Variants in PPDPFL observed in about 807,000 individuals in gnomAD.
PPDPFL encodes the protein pancreatic progenitor cell differentiation and proliferation factor like.
PPDPFL carries 12 observed loss-of-function variants against 12.6 expected under a neutral mutation model. The observed-to-expected ratio is 0.95, with a 90% CI of 0.61 to 1.54. PPDPFL has a LOEUF of 1.54. PPDPFL is among the 40% of genes most tolerant of loss of function. PPDPFL has a pLI of 0.00. For synonymous variants in PPDPFL, 24 were observed against 32.7 expected, an observed-to-expected ratio of 0.73 and a Z score of 0.91; for missense variants, 114 against 96.0, an observed-to-expected ratio of 1.19 and a Z score of -0.78.
intron 4 of PPDPFL, 199 bp downstream of exon 4, chr8:49,074,532 C>A: frequency 6.5e-7 from 1 of 1,537,046 alleles, no homozygotes. Context: ...AAGATCATAG[C>A]ACCCTTTCCA....
intron 1 of PPDPFL, among the ~76,000 whole-genome samples, chr8:49,062,886 A>G (rs1808235587): frequency 6.6e-6 from 1 of 152,112 alleles, no homozygotes; most frequent in Non-Finnish European, 1.5e-5. Context: ...ATCTTATTAG[A>G]CACTTCTCAG....
chr8:49,071,782 A>G (rs997848385), upstream of PPDPFL, among the ~76,000 whole-genome samples: 2 of 152,214 alleles, frequency 1.3e-5, no homozygotes, highest in African/African-American at 4.8e-5. Flanking sequence ...CTTATTACCC[A>G]TGATTTCCAT....
chr8:49,072,130 G>T (rs1252516879), upstream of PPDPFL, among the ~76,000 whole-genome samples: 1 of 152,258 alleles, frequency 6.6e-6, no homozygotes, highest in Non-Finnish European at 1.5e-5. Flanking sequence ...GTCCAAAAGA[G>T]CATTGGGCCA....
chr8:49,056,111 C>G (rs1490169308), intron 1 of PPDPFL, among the ~76,000 whole-genome samples: 1 of 152,118 alleles, frequency 6.6e-6, no homozygotes, highest in Non-Finnish European at 1.5e-5. Flanking sequence ...CCCTCATGCT[C>G]AAAATAAAAC....
chr8:49,067,581 T>G (rs1322848183), upstream of PPDPFL, among the ~76,000 whole-genome samples: 1 of 152,226 alleles, frequency 6.6e-6, no homozygotes, highest in African/African-American at 2.4e-5. Flanking sequence ...TCATTGTTCT[T>G]GCCATGGATT....
chr8:49,062,413 A>G (rs1423067408), intron 1 of PPDPFL, among the ~76,000 whole-genome samples: 1 of 152,090 alleles, frequency 6.6e-6, no homozygotes, highest in Non-Finnish European at 1.5e-5. Context: ...AAAAACCAAA[A>G]CCTCAGAGTA....
chr8:49,054,768 C>T (rs947029760), intron 1 of PPDPFL, among the ~76,000 whole-genome samples: 2 of 151,998 alleles, frequency 1.3e-5, no homozygotes, highest in African/African-American at 4.8e-5. Flanking sequence ...AATTTGAAGC[C>T]AGGTTTAAAA....
Position 49,075,311 on chromosome 8 carries a change from C to T in PPDPFL, c.*138C>T. 6.4e-7 allele frequency: 1 copy of T among 1,554,408 alleles called. No homozygotes were observed. On this transcript the variant is annotated 3_prime_UTR_variant, in exon 5 of 5. Transcript: ENST00000522267. ...ATACATGAACAGCTCCCCTTCAGCG[C>T]CCCAGCTATTCCAGGACTCTTCTCC...
chr8:49,056,700 T>G (rs971265852), intron 1 of PPDPFL, among the ~76,000 whole-genome samples: 2 of 152,154 alleles, frequency 1.3e-5, no homozygotes, highest in African/African-American at 4.8e-5. Flanking sequence ...TAGAGCAATA[T>G]CCATAAAAAC....
At chr8:49,074,742 A>G in intron 4 of PPDPFL, 1 of 1,442,810 alleles carries the variant, frequency 6.9e-7, no homozygotes, top group Non-Finnish European at 9.0e-7. Flanking sequence ...TGTGGTGCAA[A>G]TTACTAGACA....
upstream of PPDPFL, among the ~76,000 whole-genome samples, chr8:49,071,112 T>C (rs1187419275): frequency 6.6e-6 from 1 of 152,232 alleles, no homozygotes; most frequent in Non-Finnish European, 1.5e-5. Flanking sequence ...AGTGGGATCA[T>C]GTAGCTGTCT....
At chr8:49,058,247 TAA>T (rs1241909330) in intron 1 of PPDPFL, among the ~76,000 whole-genome samples, 1 of 152,210 alleles carries the variant, frequency 6.6e-6, no homozygotes, top group Non-Finnish European at 1.5e-5. Context: ...TTCTATGAAA[TAA>T]AAGTCTTACT....
intron 1 of PPDPFL, among the ~76,000 whole-genome samples, chr8:49,055,925 C>G (rs1454798542): frequency 6.6e-6 from 1 of 152,142 alleles, no homozygotes; most frequent in East Asian, 1.9e-4. Context: ...ATCCCTACCA[C>G]TACATGTGTT....
At chr8:49,055,142 G>T (rs1421198322) in intron 1 of PPDPFL, among the ~76,000 whole-genome samples, 1 of 152,014 alleles carries the variant, frequency 6.6e-6, no homozygotes, top group East Asian at 1.9e-4. Context: ...GGATCAGTTG[G>T]TTTCTGGGCT....
intron 4 of PPDPFL, 134 bp downstream of exon 4, chr8:49,074,467 C>G (rs1009421397): frequency 6.5e-7 from 1 of 1,542,336 alleles, no homozygotes; most frequent in East Asian, 2.4e-5. Flanking sequence ...ATGAAGCGCA[C>G]CTGAGGGATG....
upstream of PPDPFL, among the ~76,000 whole-genome samples, chr8:49,070,206 C>T (rs1563300513): frequency 6.6e-6 from 1 of 152,032 alleles, no homozygotes; most frequent in Non-Finnish European, 1.5e-5. Context: ...AACACATAGA[C>T]ACATCGAGGG....
rs1244911293 is a variant in PPDPFL, at chr8:49,075,265, C to T, written c.*92C>T. 1 of 1,613,792 alleles carries T rather than the reference C, an allele frequency of 6.2e-7. No individual in the cohort carries two copies. The highest frequency in any genetic ancestry group is 1.3e-5 in the African/African-American group (1 of 74,918). On this transcript the variant is annotated 3_prime_UTR_variant, in exon 5 of 5. Transcript: ENST00000522267. ...ACAGTTGATTCTGACAATCAAGATCCTCTGCCTGCTGCAGTGGTCCATACA... is the reference window on the plus strand; with the variant it reads ...ACAGTTGATTCTGACAATCAAGATCTTCTGCCTGCTGCAGTGGTCCATACA...
Position 49,075,853 on chromosome 8 carries a change from G to A in PPDPFL, c.*680G>A, listed in dbSNP as rs943719036. On this transcript the variant is annotated 3_prime_UTR_variant, in exon 5 of 5. Coordinates refer to ENST00000522267, the MANE Select transcript of PPDPFL (RefSeq NM_001256597.2). Reference sequence around the variant, plus strand: ...TAATAACATGGAAAATTATATTATGGCATTAAAAATTAGCATAATACACCA... The same window carrying A: ...TAATAACATGGAAAATTATATTATGACATTAAAAATTAGCATAATACACCA... The A allele has an allele frequency of 2.0e-5, 3 of 152,948 alleles. No homozygotes were observed. The highest frequency in any genetic ancestry group is 1.3e-4 in the Admixed American group (2 of 15,382). The allele number at this position is 152,948 out of a possible 1,614,324, so 9.5% of individuals were successfully genotyped here.
chr8:49,063,617 C>A (rs1264432733), intron 1 of PPDPFL, among the ~76,000 whole-genome samples: 1 of 151,982 alleles, frequency 6.6e-6, no homozygotes, highest in East Asian at 1.9e-4. Context: ...ACTTGTGAGG[C>A]TCAGGCAAGA....
Sources: gnomAD v4.1 joint callset for allele counts (sites outside exome capture counted in the v4.1 genomes callset) on GRCh38, gnomAD v4.1.1 for gene constraint, MANE v1.5 for transcripts, NCBI Gene and HGNC (gene_info 2026-07-23, HGNC 2026-07-21) for gene names.